The following AGBL1 variants were observed in gnomAD, a reference collection of about 807,000 sequenced individuals.
AGBL1 encodes cytosolic carboxypeptidase 4.
Under a neutral mutation model 118.9 loss-of-function variants are expected in AGBL1, and 130 were observed. The ratio of observed to expected loss-of-function variants is 1.09; its 90% CI spans 0.95 to 1.26. AGBL1 has a LOEUF of 1.26. Among genes scored for constraint, AGBL1 ranks in the 50% most tolerant of loss-of-function variants. The pLI is 0.00. For missense variants in AGBL1, 1,584 were observed against 1,298.1 expected, an observed-to-expected ratio of 1.22 and a Z score of -3.38; for synonymous variants, 555 against 478.9, an observed-to-expected ratio of 1.16 and a Z score of -2.08.
At chr15:86,269,337 C>T (rs994710924) in intron 13 of AGBL1, among the ~76,000 whole-genome samples, 25 of 152,078 alleles carry the variant, frequency 1.6e-4, no homozygotes, top group Non-Finnish European at 2.2e-4. Flanking sequence ...TTCCATTTTC[C>T]GTATGTGGAA....
chr15:86,081,824 T>C (rs1348543508), intron 1 of AGBL1, among the ~76,000 whole-genome samples: 2 of 152,180 alleles, frequency 1.3e-5, no homozygotes, highest in Non-Finnish European at 2.9e-5. Flanking sequence ...AGGGGTTCAG[T>C]AAAAATGAAT....
rs545068338 is a variant in AGBL1 at position 86,476,746 on chromosome 15, G to A, written c.2556-46064G>A. On this transcript the variant is annotated intron_variant, in intron 18 of 22. Transcript: ENST00000614907. ...CCAAGCAGACCTAATAGACATCTAC[G>A]GAACTCTCCACCCCAAATCAACAGA... is the stretch of plus-strand genomic sequence containing the variant. 3.6e-3 allele frequency among the ~76,000 whole-genome samples: 553 copies of A among 151,824 alleles called. 2 individuals are homozygous for A. The highest frequency in any genetic ancestry group is 4.5e-3 in the Non-Finnish European group (306 of 67,976).
chr15:86,465,832 C>T (rs2082398040), intron 18 of AGBL1, among the ~76,000 whole-genome samples: 1 of 152,192 alleles, frequency 6.6e-6, no homozygotes, highest in Non-Finnish European at 1.5e-5. Flanking sequence ...AGTAATTCTA[C>T]TTTCACCCTG....
At chr15:86,506,890 T>C (rs556538445) in intron 18 of AGBL1, among the ~76,000 whole-genome samples, 1 of 152,246 alleles carries the variant, frequency 6.6e-6, no homozygotes, top group East Asian at 1.9e-4. Context: ...TATCATATCA[T>C]GTAGGATAAT....
At chr15:86,550,444 AC>A (rs1269436141) in intron 20 of AGBL1, among the ~76,000 whole-genome samples, 1 of 152,178 alleles carries the variant, frequency 6.6e-6, no homozygotes, top group Non-Finnish European at 1.5e-5. Context: ...GAAAAGATAC[AC>A]CATGCAAATG....
At chr15:86,814,249 G>A (rs2078830173) in intron 22 of AGBL1, among the ~76,000 whole-genome samples, 1 of 152,166 alleles carries the variant, frequency 6.6e-6, no homozygotes, top group African/African-American at 2.4e-5. Flanking sequence ...AAGGATCTAG[G>A]TTGAGCACTC....
chr15:86,618,513 T>C (rs2084761290), intron 21 of AGBL1, among the ~76,000 whole-genome samples: 1 of 152,220 alleles, frequency 6.6e-6, no homozygotes, highest in South Asian at 2.1e-4. Context: ...CCAGACCTAC[T>C]GAATGAGAAT....
intron 19 of AGBL1, among the ~76,000 whole-genome samples, chr15:86,543,075 A>G (rs2083527261): frequency 6.6e-6 from 1 of 151,962 alleles, no homozygotes; most frequent in Non-Finnish European, 1.5e-5. Flanking sequence ...CTATTTTTTC[A>G]TGTGTTCTTA....
intron 1 of AGBL1, among the ~76,000 whole-genome samples, chr15:86,127,552 CGAGGGCACGTGGGA>C (rs746133174): frequency 4.3e-4 from 65 of 151,298 alleles, no homozygotes; most frequent in Non-Finnish European, 7.9e-4. Flanking sequence ...GCCACGTGGC[CGAGGGCACGTGGGA>C]AATCATACCT....
chr15:86,114,199 T>C (rs1380548777), intron 1 of AGBL1, among the ~76,000 whole-genome samples: 1 of 152,248 alleles, frequency 6.6e-6, no homozygotes, highest in African/African-American at 2.4e-5. Context: ...GTTTGCCATT[T>C]TCCCATTTGA....
At chr15:86,941,953 A>G (rs757181538) in intron 23 of AGBL1, among the ~76,000 whole-genome samples, 1 of 152,228 alleles carries the variant, frequency 6.6e-6, no homozygotes, top group African/African-American at 2.4e-5. Flanking sequence ...ATTTATTTCA[A>G]CAAGGCAGTA....
At chr15:87,015,410 T>TATC (rs1432126361) in intron 24 of AGBL1, among the ~76,000 whole-genome samples, 1 of 152,140 alleles carries the variant, frequency 6.6e-6, no homozygotes, top group African/African-American at 2.4e-5. Context: ...CCTATTTTTC[T>TATC]ATCTGTCCTA....
chr15:86,561,923 A>C (rs2142287896), intron 21 of AGBL1, among the ~76,000 whole-genome samples: 1 of 152,224 alleles, frequency 6.6e-6, no homozygotes, highest in African/African-American at 2.4e-5. Flanking sequence ...GCAATTGTGA[A>C]TGGGAGTTCA....
chr15:87,019,738 C>CA (rs780263081), intron 24 of AGBL1, among the ~76,000 whole-genome samples: 2 of 151,720 alleles, frequency 1.3e-5, no homozygotes, highest in African/African-American at 2.4e-5. Context: ...CAAACAAATC[C>CA]AAAACATTGC....
intron 18 of AGBL1, among the ~76,000 whole-genome samples, chr15:86,414,509 G>T (rs1596084947): frequency 6.6e-6 from 1 of 152,130 alleles, no homozygotes; most frequent in African/African-American, 2.4e-5. Context: ...AATGGCTTCT[G>T]CAGGACGCTA....
intron 22 of AGBL1, among the ~76,000 whole-genome samples, chr15:86,811,064 G>A (rs1347379532): frequency 1.3e-5 from 2 of 152,196 alleles, no homozygotes; most frequent in East Asian, 1.9e-4. Flanking sequence ...AGAAGATGAT[G>A]TACAAATATG....
intron 22 of AGBL1, among the ~76,000 whole-genome samples, chr15:86,893,735 C>A (rs928379118): frequency 1.3e-5 from 2 of 152,090 alleles, no homozygotes; most frequent in Non-Finnish European, 2.9e-5. Context: ...CATACTTTGT[C>A]TCCAAACTCT....
intron 2 of AGBL1, among the ~76,000 whole-genome samples, chr15:86,142,812 G>T (rs1034334615): frequency 6.6e-6 from 1 of 152,196 alleles, no homozygotes; most frequent in Non-Finnish European, 1.5e-5. Context: ...TTCTGGGATA[G>T]TGCTGTCTTA....
intron 19 of AGBL1, among the ~76,000 whole-genome samples, chr15:86,528,535 G>C (rs2083300512): frequency 6.7e-6 from 1 of 149,346 alleles, no homozygotes. Context: ...TGGGGGAGGG[G>C]CGCCGGCCAT....
Sources: gnomAD v4.1 joint callset for allele counts (sites outside exome capture counted in the v4.1 genomes callset) on GRCh38, gnomAD v4.1.1 for gene constraint, MANE v1.5 for transcripts, NCBI Gene and HGNC (gene_info 2026-07-23, HGNC 2026-07-21) for gene names.